Variants in TRPC5 observed in about 807,000 individuals in gnomAD.
TRPC5 encodes short transient receptor potential channel 5.
A neutral mutation model predicts 56.5 loss-of-function variants in TRPC5; 9 were observed. The observed-to-expected ratio is 0.16, with a 90% CI of 0.10 to 0.28. The LOEUF (loss-of-function observed/expected upper bound fraction) is 0.28. Among genes scored for constraint, TRPC5 ranks in the 10% least tolerant of loss-of-function variants. The probability of loss-of-function intolerance (pLI) is 1.00; values close to 1 mark genes in which losing one functional copy is unlikely to be tolerated. For synonymous variants in TRPC5, 282 were observed against 278.5 expected, an observed-to-expected ratio of 1.01 and a Z score of -0.13; for missense variants, 469 against 748.9, an observed-to-expected ratio of 0.63 and a Z score of 4.36.
At chrX:111,786,619 CA>C (rs967756217) in intron 7 of TRPC5, among the ~76,000 whole-genome samples, 26 of 110,513 alleles carry the variant, frequency 2.4e-4, no homozygotes, top group African/African-American at 8.6e-4. Flanking sequence ...CACAGACTGG[CA>C]AATTGGATAA....
chrX:112,078,160 C>T (rs927738965), intron 1 of TRPC5, among the ~76,000 whole-genome samples: 3 of 111,783 alleles, frequency 2.7e-5, no homozygotes, highest in East Asian at 2.8e-4. Context: ...CATCTGAATA[C>T]GCTAGCTATA....
At position 111,852,394 on chromosome X, in the gene TRPC5, A is replaced by C. The variant is rs1248667187; in HGVS notation, c.1281T>G (p.Phe427Leu). The C allele has an allele frequency of 8.3e-7, 1 of 1,208,269 alleles. No individual in the cohort carries two copies. The highest frequency in any genetic ancestry group is 2.2e-5 in the Admixed American group (1 of 45,583). Reference protein sequence around the residue: ...GEIKEMWDGGFTEYIHDWWNL... With the variant: ...GEIKEMWDGGLTEYIHDWWNL... Reference sequence around the variant, plus strand: ...TCCACCAGTCATGGATGTATTCAGTAAATCCACCATCCCACATTTCCTTAA... The same window carrying C: ...TCCACCAGTCATGGATGTATTCAGTCAATCCACCATCCCACATTTCCTTAA... Residue 427 changes from phenylalanine (F) to leucine (L), a missense_variant, in exon 5 of 11, where the codon TTT becomes TTG. Phe to Leu is a conservative substitution (Grantham distance 22). Coordinates refer to ENST00000262839, the MANE Select transcript of TRPC5 (RefSeq NM_012471.3).
intron 7 of TRPC5, among the ~76,000 whole-genome samples, chrX:111,806,474 G>C (rs1234194677): frequency 2.7e-5 from 3 of 112,166 alleles, no homozygotes; most frequent in Admixed American, 9.5e-5. Flanking sequence ...CTATTGGACA[G>C]AGGCCTCCCT....
chrX:112,022,797 C>A (rs1406729524), intron 1 of TRPC5, among the ~76,000 whole-genome samples: 1 of 112,246 alleles, frequency 8.9e-6, no homozygotes, highest in Non-Finnish European at 1.9e-5. Context: ...TTTACTGGGA[C>A]AAGATTAACT....
At chrX:111,791,572 A>C (rs1463023159) in intron 7 of TRPC5, among the ~76,000 whole-genome samples, 1 of 112,320 alleles carries the variant, frequency 8.9e-6, no homozygotes, top group Non-Finnish European at 1.9e-5. Flanking sequence ...CTGCCTGCAG[A>C]GTCTCATCCA....
intron 1 of TRPC5, among the ~76,000 whole-genome samples, chrX:112,076,531 T>C (rs958423283): frequency 3.6e-5 from 4 of 111,734 alleles, no homozygotes; most frequent in East Asian, 2.8e-4. Context: ...GTAGAGGTTA[T>C]TATTTGTGCA....
chrX:111,966,034 C>A (rs1178651437), intron 1 of TRPC5, among the ~76,000 whole-genome samples: 2 of 111,525 alleles, frequency 1.8e-5, no homozygotes, highest in Non-Finnish European at 3.8e-5. Flanking sequence ...ATTAATGAAT[C>A]CAGGAGCTGG....
chrX:111,838,237 C>T (rs749210847), intron 6 of TRPC5, among the ~76,000 whole-genome samples: 2 of 111,451 alleles, frequency 1.8e-5, no homozygotes, highest in African/African-American at 6.5e-5. Flanking sequence ...ATCATTCCTC[C>T]GTTTTGGTGG....
intron 3 of TRPC5, among the ~76,000 whole-genome samples, chrX:111,855,687 C>T (rs1435415760): frequency 8.9e-5 from 10 of 112,318 alleles, no homozygotes; most frequent in Non-Finnish European, 1.3e-4. Context: ...TTCCCTTCCA[C>T]GCATTCATAC....
chrX:112,080,474 G>A (rs1930938683), intron 1 of TRPC5, among the ~76,000 whole-genome samples: 1 of 108,619 alleles, frequency 9.2e-6, no homozygotes, highest in Non-Finnish European at 1.9e-5. Flanking sequence ...TATTGTGAAA[G>A]TTTATGAAAA....
At chrX:111,905,288 C>A (rs772385975) in intron 3 of TRPC5, among the ~76,000 whole-genome samples, 10 of 110,959 alleles carry the variant, frequency 9.0e-5, no homozygotes, top group Non-Finnish European at 1.7e-4. Context: ...CCTACTCCCT[C>A]CAGCCCATAT....
chrX:112,018,719 C>A (rs5985669), intron 1 of TRPC5, among the ~76,000 whole-genome samples: 1 of 112,062 alleles, frequency 8.9e-6, no homozygotes, highest in Admixed American at 9.5e-5. Flanking sequence ...AGTTTCTGTG[C>A]GTGAGAAGTC....
intron 3 of TRPC5, among the ~76,000 whole-genome samples, chrX:111,863,177 A>G (rs978492870): frequency 3.6e-5 from 4 of 111,077 alleles, no homozygotes; most frequent in African/African-American, 9.9e-5. Flanking sequence ...AACATAGGGG[A>G]AAAAAAATCG....
At chrX:111,905,914 C>CAAAAAAAAAAAAAAAAAA (rs1202912083) in intron 3 of TRPC5, among the ~76,000 whole-genome samples, 10 of 37,009 alleles carry the variant, frequency 2.7e-4, no homozygotes, top group African/African-American at 1.0e-3. Context: ...GTCTCTGTCT[C>CAAAAAAAAAAAAAAAAAA]AAAAAAAAAA....
chrX:111,957,617 C>T (rs1927270507), intron 1 of TRPC5, among the ~76,000 whole-genome samples: 1 of 111,622 alleles, frequency 9.0e-6, no homozygotes, highest in African/African-American at 3.3e-5. Context: ...GTCTACATTC[C>T]TGACTACTTC....
chrX:111,781,225 A>G lies in TRPC5; in HGVS notation c.2101-19T>C, dbSNP rs1945917368. 2 of 1,196,532 alleles carry G rather than the reference A, an allele frequency of 1.7e-6. No homozygotes were observed. The highest frequency in any genetic ancestry group is 3.5e-5 in the African/African-American group (2 of 56,821). On this transcript the variant is annotated intron_variant, in intron 8 of 10. Coordinates refer to ENST00000262839, the MANE Select transcript of TRPC5 (RefSeq NM_012471.3). ...TGCGTTCCTATAATTGAAAATAGAC[A>G]GAGATGTTACATCAGCAGTCTCCCA... is the stretch of plus-strand genomic sequence containing the variant.
chrX:111,926,341 C>A (rs1926257608), intron 2 of TRPC5, among the ~76,000 whole-genome samples: 1 of 111,628 alleles, frequency 9.0e-6, no homozygotes, highest in Non-Finnish European at 1.9e-5. Flanking sequence ...TTGAAAAACT[C>A]TAAAAGTGCA....
chrX:111,998,561 T>G (rs1332758756), intron 1 of TRPC5, among the ~76,000 whole-genome samples: 1 of 112,022 alleles, frequency 8.9e-6, no homozygotes, highest in Non-Finnish European at 1.9e-5. Context: ...ATACAAAAAG[T>G]CAGCCCTCTG....
At chrX:111,982,666 C>T (rs1928112973) in intron 1 of TRPC5, among the ~76,000 whole-genome samples, 2 of 111,438 alleles carry the variant, frequency 1.8e-5, no homozygotes, top group Non-Finnish European at 3.8e-5. Flanking sequence ...CTTGAGGGGA[C>T]CAAAGTGGCT....
Sources: allele counts gnomAD v4.1 joint callset (sites outside exome capture counted in the v4.1 genomes callset), GRCh38; gene constraint gnomAD v4.1.1; transcripts MANE v1.5; gene names NCBI Gene and HGNC (gene_info 2026-07-23, HGNC 2026-07-21).